Variants in IGSF23 observed in about 807,000 individuals in gnomAD.
IGSF23 encodes immunoglobulin superfamily, member 23.
IGSF23 carries 14 observed loss-of-function variants against 17.8 expected under a neutral mutation model. The ratio of observed to expected loss-of-function variants is 0.79; its 90% CI spans 0.52 to 1.23. The LOEUF (loss-of-function observed/expected upper bound fraction) is 1.23. Among genes scored for constraint, IGSF23 ranks in the 50% most tolerant of loss-of-function variants. IGSF23 has a pLI of 0.00. For synonymous variants in IGSF23, 85 were observed against 92.5 expected (o/e 0.92, Z 0.46); for missense variants, 214 against 241.7 (o/e 0.89, Z 0.76).
intron 3 of IGSF23, among the ~76,000 whole-genome samples, chr19:44,627,831 A>G (rs1345125686): frequency 6.6e-6 from 1 of 152,168 alleles, no homozygotes; most frequent in African/African-American, 2.4e-5. Flanking sequence ...GGCTGTGGGC[A>G]AGCCACTCCC....
At chr19:44,623,585 G>T in intron 1 of IGSF23, 122 bp from the exon 2 acceptor site, 1 of 1,035,010 alleles carries the variant, frequency 9.7e-7, no homozygotes, top group Non-Finnish European at 1.4e-6. Context: ...CACATTCATG[G>T]GTGAATTAAT....
chr19:44,635,278 T>C (rs1361589709), intron 3 of IGSF23, 123 bp from the exon 4 acceptor site: 2 of 727,188 alleles, frequency 2.8e-6, no homozygotes, highest in African/African-American at 3.5e-5. Context: ...TCTCCAAATA[T>C]AGTCACATTG....
intron 3 of IGSF23, among the ~76,000 whole-genome samples, chr19:44,628,719 C>G (rs181488070): frequency 6.6e-6 from 1 of 152,226 alleles, no homozygotes; most frequent in African/African-American, 2.4e-5. Flanking sequence ...TGCCACTGCA[C>G]TCCACACTGG....
intron 3 of IGSF23, among the ~76,000 whole-genome samples, 161 bp from the exon 4 acceptor site, chr19:44,635,240 T>C (rs1028028867): frequency 6.6e-6 from 1 of 152,210 alleles, no homozygotes; most frequent in Non-Finnish European, 1.5e-5. Flanking sequence ...TATGATCTCA[T>C]TTAACCTTAC....
At chr19:44,614,370 C>T (rs1228866175) in intron 1 of IGSF23, among the ~76,000 whole-genome samples, 1 of 152,102 alleles carries the variant, frequency 6.6e-6, no homozygotes, top group African/African-American at 2.4e-5. Flanking sequence ...TAATAACAGC[C>T]GTAATAGAAG....
At chr19:44,627,305 A>T in intron 2 of IGSF23, 115 bp from the exon 3 acceptor site, 1 of 1,085,620 alleles carries the variant, frequency 9.2e-7, no homozygotes, top group Non-Finnish European at 1.3e-6. Context: ...GACCTGGAGG[A>T]TGGAAGAGAA....
chr19:44,623,404 C>T (rs890549884), intron 1 of IGSF23, among the ~76,000 whole-genome samples: 4 of 152,310 alleles, frequency 2.6e-5, no homozygotes, highest in African/African-American at 9.6e-5. Context: ...TGGAGGGCTG[C>T]TCCCTGATGT....
At chr19:44,634,378 C>A in intron 3 of IGSF23, among the ~76,000 whole-genome samples, 1 of 152,316 alleles carries the variant, frequency 6.6e-6, no homozygotes, top group East Asian at 1.9e-4. Flanking sequence ...ATTATTTCTA[C>A]ATTCTTTTTT....
chr19:44,632,540 C>T (rs62119270), intron 3 of IGSF23: 8,951 of 154,790 alleles, frequency 0.058, 340 homozygotes, highest in South Asian at 0.14. Flanking sequence ...AGGATCCTCC[C>T]GGAGTCTCTT....
Position 44,618,077 on chromosome 19 carries a change from C to A in IGSF23, c.125+4307C>A, listed in dbSNP as rs145559030. 2.8e-3 allele frequency: 1,322 copies of A among 470,952 alleles called. 12 individuals are homozygous for A. The highest frequency in any genetic ancestry group is 0.022 in the African/African-American group (1,082 of 50,178). 29.2% of individuals were successfully genotyped at this position (470,952 alleles called of 1,614,324 possible). On this transcript the variant is annotated intron_variant, in intron 1 of 4. Transcript: ENST00000402988. ...CTCCTCCTTCCCTGCTCTTCCAAGGCGCCCTGCTCACATCCTGCACCTGCT... is the reference window on the plus strand; with the variant it reads ...CTCCTCCTTCCCTGCTCTTCCAAGGAGCCCTGCTCACATCCTGCACCTGCT...
chr19:44,625,535 A>C (rs1040488948), intron 2 of IGSF23, among the ~76,000 whole-genome samples: 4 of 152,104 alleles, frequency 2.6e-5, no homozygotes, highest in Admixed American at 1.3e-4. Context: ...TCTGAGCCCC[A>C]GTTTCCTCAT....
chr19:44,617,504 T>C (rs958982894), intron 1 of IGSF23, among the ~76,000 whole-genome samples: 2 of 152,192 alleles, frequency 1.3e-5, no homozygotes, highest in Admixed American at 1.3e-4. Context: ...TGTATATGTA[T>C]TTTAAAACAT....
Position 44,635,410 on chromosome 19 carries a change from G to A in IGSF23, c.555G>A (p.Arg185=), listed in dbSNP as rs1972868561. Residue 185 remains arginine (R), a synonymous_variant, in exon 4 of 5, where the codon AGG becomes AGA. Coordinates refer to ENST00000402988, the MANE Select transcript of IGSF23 (RefSeq NM_001205280.2). ...FIIIQSLRTD[R]QRIGICS is the part of the protein sequence containing the mutation. Reference sequence around the variant, plus strand: ...TCTCTCTCCACTGCAGGACTGACAGGCAGAGAATAGGAATATGCAGCTGAA... The same window carrying A: ...TCTCTCTCCACTGCAGGACTGACAGACAGAGAATAGGAATATGCAGCTGAA... 1 of 1,546,232 alleles carries A rather than the reference G, an allele frequency of 6.5e-7. No individual in the cohort carries two copies. The highest frequency in any genetic ancestry group is 8.7e-7 in the Non-Finnish European group (1 of 1,144,492).
intron 1 of IGSF23, chr19:44,620,748 A>C (rs1195181807): frequency 6.6e-6 from 1 of 152,182 alleles, no homozygotes; most frequent in Non-Finnish European, 1.5e-5. Context: ...CTAAAGAGAG[A>C]GGTTGCAGGA....
chr19:44,619,184 T>C (rs549287961), intron 1 of IGSF23, among the ~76,000 whole-genome samples: 2 of 152,018 alleles, frequency 1.3e-5, no homozygotes, highest in South Asian at 4.2e-4. Flanking sequence ...TTTACAACAA[T>C]CAGATCTCAT....
rs61334428 is a variant in IGSF23, at chr19:44,634,815, G to GA, written c.546-571dup. On this transcript the variant is annotated intron_variant, in intron 3 of 4. Coordinates refer to ENST00000402988, the MANE Select transcript of IGSF23 (RefSeq NM_001205280.2). The stretch of plus-strand genomic sequence containing the variant: ...GACTGTCTCCAAAAAAAAGAAAAAA[G>GA]AAAAAAAAAAAAAAACCCAGGGATG... Among the ~76,000 whole-genome samples the GA allele has an allele frequency of 6.6e-3, 784 of 118,760 alleles. 4 individuals are homozygous for GA. Among genetic ancestry groups the GA allele is most frequent in the African/African-American group, 0.012 (444 of 36,306 alleles). The allele number at this position is 118,760 out of a possible 152,430, so 77.9% of individuals were successfully genotyped here.
intron 1 of IGSF23, among the ~76,000 whole-genome samples, chr19:44,620,369 G>C (rs1463394104): frequency 6.6e-6 from 1 of 151,466 alleles, no homozygotes; most frequent in Non-Finnish European, 1.5e-5. Flanking sequence ...GTGTGTGTGT[G>C]TGTGTGTGTG....
chr19:44,616,797 G>A (rs982129613), intron 1 of IGSF23, among the ~76,000 whole-genome samples: 2 of 147,604 alleles, frequency 1.4e-5, no homozygotes, highest in Non-Finnish European at 3.0e-5. Context: ...TTATTTCTAG[G>A]AGTCTAAGTT....
Position 44,613,595 on chromosome 19 carries a change from G to A in IGSF23, c.-51G>A. 1.3e-6 allele frequency: 2 copies of A among 1,500,678 alleles called. No individual in the cohort carries two copies. Among genetic ancestry groups the A allele is most frequent in the South Asian group, 1.3e-5 (1 of 77,174 alleles). 93.0% of individuals were successfully genotyped at this position (1,500,678 alleles called of 1,614,324 possible). A position where few individuals can be genotyped will look rare whatever the true frequency, so the allele number is the denominator to read the frequency against. On this transcript the variant is annotated 5_prime_UTR_variant, in exon 1 of 5. Transcript: ENST00000402988. ...GCCTTTGATGTGAGTGATAGGAGCG[G>A]GCGATTCTGCTTCTCCCTCCATCTC...
Sources: gnomAD v4.1 joint callset for allele counts (sites outside exome capture counted in the v4.1 genomes callset) on GRCh38, gnomAD v4.1.1 for gene constraint, MANE v1.5 for transcripts, NCBI Gene and HGNC (gene_info 2026-07-23, HGNC 2026-07-21) for gene names.